The following PAPOLG variants were observed in gnomAD, a reference collection of about 807,000 sequenced individuals.
PAPOLG encodes poly(A) polymerase gamma, also known as PAP-gamma.
PAPOLG carries 40 observed loss-of-function variants against 99.0 expected under a neutral mutation model. That is an observed-to-expected ratio of 0.40 (90% CI 0.31 to 0.53). The LOEUF is 0.53. Ranked by LOEUF, PAPOLG falls within the 20% of genes least tolerant of loss-of-function variation. The pLI is 0.41. For synonymous variants in PAPOLG, 310 were observed against 299.3 expected (o/e 1.04, Z -0.37); for missense variants, 675 against 884.1 (o/e 0.76, Z 3.00).
chr2:60,770,648 G>T, intron 6 of PAPOLG, 137 bp downstream of exon 6: 1 of 562,322 alleles, frequency 1.8e-6, no homozygotes, highest in South Asian at 2.5e-5. Flanking sequence ...TGAAGAGATG[G>T]GGTCTAACTC....
chr2:60,769,118 G>C (rs970125213), intron 5 of PAPOLG, among the ~76,000 whole-genome samples: 4 of 152,110 alleles, frequency 2.6e-5, no homozygotes, highest in Non-Finnish European at 4.4e-5. Flanking sequence ...CTAGATCTTG[G>C]TCAAGTAACC....
intron 13 of PAPOLG, among the ~76,000 whole-genome samples, chr2:60,783,758 T>G (rs147311315): frequency 2.7e-4 from 41 of 151,758 alleles, no homozygotes; most frequent in Non-Finnish European, 4.0e-4. Flanking sequence ...AAGTGATCCG[T>G]AAAATTATTA....
chr2:60,787,724 G>C, intron 15 of PAPOLG, 104 bp downstream of exon 15: 2 of 1,416,468 alleles, frequency 1.4e-6, no homozygotes, highest in Non-Finnish European at 1.9e-6. Flanking sequence ...TCCACAATTG[G>C]TTAAGTGAAC....
At chr2:60,788,729 C>T (rs1410186912) in intron 15 of PAPOLG, among the ~76,000 whole-genome samples, 2 of 152,140 alleles carry the variant, frequency 1.3e-5, no homozygotes, top group Admixed American at 1.3e-4. Context: ...CGGTGGCTCA[C>T]AAGTGCTTGT....
At chr2:60,779,447 C>T in intron 8 of PAPOLG, 190 bp from the exon 9 acceptor site, 1 of 547,268 alleles carries the variant, frequency 1.8e-6, no homozygotes, top group Non-Finnish European at 3.1e-6. Context: ...GACTGTGGGC[C>T]TAATGTGAAG....
At chr2:60,790,710 C>T (rs556539091) in intron 15 of PAPOLG, among the ~76,000 whole-genome samples, 2 of 152,288 alleles carry the variant, frequency 1.3e-5, no homozygotes, top group South Asian at 4.1e-4. Flanking sequence ...GTCTGTCATT[C>T]TATGATTGGT....
At chr2:60,780,082 A>G (rs970754076) in intron 9 of PAPOLG, among the ~76,000 whole-genome samples, 7 of 152,204 alleles carry the variant, frequency 4.6e-5, no homozygotes, top group African/African-American at 1.7e-4. Context: ...AATCACATTG[A>G]TATATTAGTA....
At chr2:60,794,448 T>TTGA in intron 19 of PAPOLG, 1 of 572,790 alleles carries the variant, frequency 1.7e-6, no homozygotes, top group Non-Finnish European at 3.0e-6. Context: ...TTCTTGTGTG[T>TTGA]TGATATGCCC....
chr2:60,774,631 G>A (rs1670963731), intron 7 of PAPOLG, among the ~76,000 whole-genome samples: 1 of 152,146 alleles, frequency 6.6e-6, no homozygotes, highest in Non-Finnish European at 1.5e-5. Flanking sequence ...CTACCAAAGG[G>A]CTGGGATTGA....
chr2:60,768,448 C>A, intron 3 of PAPOLG, 22 bp from the exon 4 acceptor site: 1 of 1,610,462 alleles, frequency 6.2e-7, no homozygotes, highest in South Asian at 1.1e-5. Flanking sequence ...AATTGAATGT[C>A]TTCCGCTTAA....
Position 60,788,128 on chromosome 2 carries a change from CTG to C in PAPOLG, c.1396+511_1396+512del, listed in dbSNP as rs1216305125. Among the ~76,000 whole-genome samples the C allele has an allele frequency of 3.3e-5, 5 of 151,752 alleles. 1 individual carries two copies. The highest frequency in any genetic ancestry group is 2.0e-4 in the Admixed American group (3 of 15,222). ...GGTAAAATTCAGAACACTGTGTACA[CTG>C]TGCTATTTATATAAAAATAAAAGAA... On this transcript the variant is annotated intron_variant, in intron 15 of 21. Transcript: ENST00000238714.
intron 7 of PAPOLG, 76 bp from the exon 8 acceptor site, chr2:60,774,958 T>C (rs1475221966): frequency 1.9e-6 from 3 of 1,590,710 alleles, no homozygotes; most frequent in Non-Finnish European, 2.6e-6. Context: ...CATTCGAGAG[T>C]CTGGAAGTTA....
In PAPOLG at chr2:60,797,366, C is replaced by T; in HGVS notation, c.*206C>T. The T allele has an allele frequency of 1.7e-6, 1 of 585,686 alleles. No homozygotes were observed. 36.3% of individuals were successfully genotyped at this position (585,686 alleles called of 1,614,324 possible). On this transcript the variant is annotated 3_prime_UTR_variant, in exon 22 of 22. Transcript: ENST00000238714. ...CTCTCACTGATTGCTACATACACTTCTCTGAGGATCACCTGCTGTCAAATT... is the reference window on the plus strand; with the variant it reads ...CTCTCACTGATTGCTACATACACTTTTCTGAGGATCACCTGCTGTCAAATT...
intron 19 of PAPOLG, 69 bp from the exon 20 acceptor site, chr2:60,794,641 A>G: frequency 2.3e-6 from 3 of 1,321,582 alleles, no homozygotes; most frequent in Non-Finnish European, 3.2e-6. Flanking sequence ...CTAGTTTTCC[A>G]GTTTATATAG....
intron 8 of PAPOLG, 61 bp from the exon 9 acceptor site, chr2:60,779,576 A>G: frequency 1.3e-6 from 2 of 1,522,126 alleles, no homozygotes; most frequent in Non-Finnish European, 1.8e-6. Context: ...AGAGCAGAAA[A>G]AAAAAGAATG....
At chr2:60,768,722 C>T in intron 4 of PAPOLG, 59 bp from the exon 5 acceptor site, 2 of 1,425,776 alleles carry the variant, frequency 1.4e-6, no homozygotes, top group Admixed American at 5.1e-5. Flanking sequence ...TTTGTGTGTA[C>T]TTTAACAAAG....
chr2:60,763,537 T>C (rs972551496), intron 3 of PAPOLG, among the ~76,000 whole-genome samples: 1 of 152,192 alleles, frequency 6.6e-6, no homozygotes, highest in African/African-American at 2.4e-5. Flanking sequence ...AGAATCTTGC[T>C]CTGTCACCCA....
intron 2 of PAPOLG, 117 bp from the exon 3 acceptor site, chr2:60,761,624 A>C (rs964359435): frequency 4.9e-6 from 4 of 821,214 alleles, no homozygotes; most frequent in South Asian, 4.7e-5. Flanking sequence ...GCATTATCAC[A>C]TATATGTTAT....
intron 6 of PAPOLG, among the ~76,000 whole-genome samples, chr2:60,770,925 T>A (rs1380913678): frequency 6.6e-6 from 1 of 152,246 alleles, no homozygotes; most frequent in Non-Finnish European, 1.5e-5. Context: ...GCCTGGCCCA[T>A]ATTTTTAATT....
Sources: gnomAD v4.1 joint callset for allele counts (sites outside exome capture counted in the v4.1 genomes callset) on GRCh38, gnomAD v4.1.1 for gene constraint, MANE v1.5 for transcripts, NCBI Gene and HGNC (gene_info 2026-07-23, HGNC 2026-07-21) for gene names.